SLC2A11: variants seen among roughly 807,000 people sequenced by gnomAD.
SLC2A11 encodes the protein solute carrier family 2 member 11.
SLC2A11 carries 43 observed loss-of-function variants against 52.1 expected under a neutral mutation model. That is an observed-to-expected ratio of 0.82 (90% CI 0.65 to 1.06). The LOEUF is 1.06. Among genes scored for constraint, SLC2A11 ranks in the 50% least tolerant of loss-of-function variants. SLC2A11 has a pLI of 0.00. For synonymous variants in SLC2A11, 261 were observed against 277.6 expected (o/e 0.94, Z 0.59); for missense variants, 582 against 654.2 (o/e 0.89, Z 1.20).
At chr22:23,881,478 G>A (rs1352193813) in intron 6 of SLC2A11, 3 of 151,796 alleles carry the variant, frequency 2.0e-5, no homozygotes, top group Non-Finnish European at 4.4e-5. Flanking sequence ...CAGGGATGTA[G>A]GCAGTACTTG....
At position 23,857,984 on chromosome 22, in the gene SLC2A11, C is replaced by T. The variant is rs1473275280; in HGVS notation, c.-16C>T. On this transcript the variant is annotated 5_prime_UTR_variant, in exon 1 of 12. Transcript: ENST00000316185. ...TCCCTGGGACAGCAAGACCTCCGCT[C>T]AGGCCCCTCTTTCGAATGCTCCACG... 1 of 1,592,002 alleles carries T rather than the reference C, an allele frequency of 6.3e-7. No individual in the cohort carries two copies. Among genetic ancestry groups the T allele is most frequent in the Non-Finnish European group, 8.5e-7 (1 of 1,170,464 alleles).
At chr22:23,857,563 G>A (rs569311489), upstream of SLC2A11, 64 of 1,579,246 alleles carry the variant, frequency 4.1e-5, 1 homozygote, top group South Asian at 6.1e-4. Flanking sequence ...CAAACCCCGC[G>A]GCGGTGACCC....
At chr22:23,876,295 A>G (rs2032611065) in intron 4 of SLC2A11, among the ~76,000 whole-genome samples, 1 of 152,200 alleles carries the variant, frequency 6.6e-6, no homozygotes, top group African/African-American at 2.4e-5. Context: ...CCAAGTACCC[A>G]TCAGAGAAGG....
At chr22:23,874,187 G>A (rs924851318) in intron 3 of SLC2A11, among the ~76,000 whole-genome samples, 4 of 152,190 alleles carry the variant, frequency 2.6e-5, no homozygotes, top group African/African-American at 7.2e-5. Context: ...GAAAATATAA[G>A]GAAACTCTAC....
chr22:23,868,778 C>A, intron 3 of SLC2A11, 137 bp downstream of exon 3: 1 of 1,029,340 alleles, frequency 9.7e-7, no homozygotes, highest in Non-Finnish European at 1.4e-6. Flanking sequence ...TCTTACTCTG[C>A]CTGGAGTTTC....
intron 5 of SLC2A11, 68 bp from the exon 6 acceptor site, chr22:23,877,653 G>T (rs965397623): frequency 1.3e-6 from 2 of 1,496,594 alleles, no homozygotes; most frequent in Non-Finnish European, 1.8e-6. Flanking sequence ...GTGTAGGTGG[G>T]CAGGAGAGCA....
chr22:23,857,086 GTGTAGGT>G (rs2031858984), upstream of SLC2A11: 28 of 925,558 alleles, frequency 3.0e-5, no homozygotes, highest in African/African-American at 1.3e-4. Context: ...GGGGGGGGGG[GTGTAGGT>G]GGGGCGTGCA....
Position 23,864,009 on chromosome 22 carries a change from CAA to C in SLC2A11, c.129+1810_129+1811del, listed in dbSNP as rs371011960. Reference sequence around the variant, plus strand: ...GCCAGCTGAGAACTCACCCCACCAACAAAAGTCTTCCAGGTTAGCTCATGTAG... The same window carrying C: ...GCCAGCTGAGAACTCACCCCACCAACAAGTCTTCCAGGTTAGCTCATGTAG... On this transcript the variant is annotated intron_variant, in intron 2 of 11. Coordinates refer to ENST00000316185, the MANE Select transcript of SLC2A11 (RefSeq NM_001024939.4). Among the ~76,000 whole-genome samples the C allele has an allele frequency of 6.6e-3, 1,003 of 152,206 alleles. 16 individuals carry two copies. Among genetic ancestry groups the C allele is most frequent in the African/African-American group, 0.023 (941 of 41,530 alleles).
chr22:23,882,834 A>G lies in SLC2A11; in HGVS notation c.958A>G (p.Thr320Ala). The G allele has an allele frequency of 6.2e-7, 1 of 1,613,672 alleles. No individual in the cohort carries two copies. The highest frequency in any genetic ancestry group is 1.3e-5 in the African/African-American group (1 of 75,022). Reference sequence around the variant, plus strand: ...GAAGATCCAGTACGCGATCATCGGGACTGGGAGCTGCGAGCTGCTCACGGC... The same window carrying G: ...GAAGATCCAGTACGCGATCATCGGGGCTGGGAGCTGCGAGCTGCTCACGGC... Reference protein sequence around the residue: ...EAKIQYAIIGTGSCELLTAVV... With the variant: ...EAKIQYAIIGAGSCELLTAVV... Residue 320 changes from threonine (T) to alanine (A), a missense_variant, in exon 8 of 12, where the codon ACT becomes GCT. Transcript: ENST00000316185.
Position 23,862,112 on chromosome 22 carries a change from C to T in SLC2A11, c.39C>T (p.Gly13=). 1 of 1,614,140 alleles carries T rather than the reference C, an allele frequency of 6.2e-7. No homozygotes were observed. Among genetic ancestry groups the T allele is most frequent in the Non-Finnish European group, 8.5e-7 (1 of 1,180,004 alleles). Residue 13 remains glycine, a synonymous_variant, in exon 2 of 12, where the codon GGC becomes GGT. Coordinates refer to ENST00000316185, the MANE Select transcript of SLC2A11 (RefSeq NM_001024939.4). ...HALLRSRMIQ[G]RILLLTICAA... ...CTCTCCTCTCTCCTCAGATTCAGGG[C>T]AGGATCCTGCTCCTGACCATCTGCG...
At chr22:23,857,311 G>C (rs370809979), upstream of SLC2A11, 2 of 1,037,836 alleles carry the variant, frequency 1.9e-6, no homozygotes, top group African/African-American at 3.2e-5. Flanking sequence ...CGGAATTTCG[G>C]GGGAGGACTT....
At chr22:23,880,271 A>AG (rs2032755997) in intron 6 of SLC2A11, 1 of 150,618 alleles carries the variant, frequency 6.6e-6, no homozygotes, top group Non-Finnish European at 1.5e-5. Flanking sequence ...AAAAAAAAAA[A>AG]AAAAAAAGAA....
upstream of SLC2A11, chr22:23,857,464 C>T (rs780716008): frequency 1.9e-4 from 312 of 1,613,754 alleles, 2 homozygotes; most frequent in South Asian, 3.4e-3. Context: ...AGCGGCTTTT[C>T]AGCCTCAGTG....
chr22:23,857,600 C>T (rs116898157), upstream of SLC2A11: 93,417 of 1,068,366 alleles, frequency 0.087, 3,971 homozygotes, highest in Middle Eastern at 0.13. Flanking sequence ...GGCGGCGACT[C>T]CCCCCCAACA....
At position 23,884,985 on chromosome 22, in the gene SLC2A11, T is replaced by G. The variant is rs1438233627; in HGVS notation, c.*136T>G. 1 of 679,816 alleles carries G rather than the reference T, an allele frequency of 1.5e-6. No homozygotes were observed. The highest frequency in any genetic ancestry group is 3.0e-5 in the Admixed American group (1 of 33,808). 42.1% of individuals were successfully genotyped at this position (679,816 alleles called of 1,614,324 possible). ...AGCACCCTTTGTGTGCAGACATGGCTCCAGGTGCTTAGCAATCAATGGTGA... is the reference window on the plus strand; with the variant it reads ...AGCACCCTTTGTGTGCAGACATGGCGCCAGGTGCTTAGCAATCAATGGTGA... On this transcript the variant is annotated 3_prime_UTR_variant, in exon 12 of 12. Coordinates refer to ENST00000316185, the MANE Select transcript of SLC2A11 (RefSeq NM_001024939.4). The surrounding 1 kb of genome is among the most constrained non-coding windows in gnomAD (Gnocchi z 4.3).
chr22:23,857,370 C>A, upstream of SLC2A11: 1 of 1,528,678 alleles, frequency 6.5e-7, no homozygotes. Context: ...AGGGCGAATG[C>A]AGGGGCTTGG....
At chr22:23,865,253 C>A (rs1427957575) in intron 2 of SLC2A11, 2 of 152,062 alleles carry the variant, frequency 1.3e-5, no homozygotes, top group African/African-American at 4.8e-5. Context: ...CCCGTCTCTA[C>A]TAAAAATACA....
rs1250043014 is a variant in SLC2A11, at chr22:23,882,874, G to A, written c.993+5G>A. 1 of 1,606,420 alleles carries A rather than the reference G, an allele frequency of 6.2e-7. No homozygotes were observed. Among genetic ancestry groups the A allele is most frequent in the Non-Finnish European group, 8.5e-7 (1 of 1,176,542 alleles). On this transcript the variant is annotated splice_donor_5th_base_variant and intron_variant, in intron 8 of 11. Transcript: ENST00000316185. ...CTGCTCACGGCGGTTGTTAGTGTGA[G>A]TCTGGAGGGTGCCCTTCCTCCACCA...
At chr22:23,862,043 TG>T in intron 1 of SLC2A11, 60 bp from the exon 2 acceptor site, 1 of 1,366,052 alleles carries the variant, frequency 7.3e-7, no homozygotes, top group Non-Finnish European at 1.0e-6. Flanking sequence ...TTGGCAGCTC[TG>T]GTCCAGGGAG....
Sources: allele counts gnomAD v4.1 joint callset (sites outside exome capture counted in the v4.1 genomes callset), GRCh38; gene constraint gnomAD v4.1.1; non-coding constraint Gnocchi (gnomAD v3.1); transcripts MANE v1.5; gene names NCBI Gene and HGNC (gene_info 2026-07-23, HGNC 2026-07-21).